WDFY3: variants seen among roughly 807,000 people sequenced by gnomAD.
WDFY3 encodes the protein WD repeat and FYVE domain containing 3, also known as WD repeat and FYVE domain-containing protein 3.
Under a neutral mutation model 409.6 loss-of-function variants are expected in WDFY3, and 66 were observed. The observed-to-expected ratio is 0.16, with a 90% confidence interval of 0.13 to 0.20. The LOEUF (loss-of-function observed/expected upper bound fraction) is 0.20, where lower values mean the gene tolerates loss of function less well. Among genes scored for constraint, WDFY3 ranks in the 10% least tolerant of loss-of-function variants. WDFY3 has a pLI of 1.00. For synonymous variants in WDFY3, 1,521 were observed against 1,537.1 expected, an observed-to-expected ratio of 0.99 and a Z score of 0.25; for missense variants, 3,031 against 4,298.1, an observed-to-expected ratio of 0.71 and a Z score of 8.24.
Position 84,753,854 on chromosome 4 carries a change from C to G in WDFY3, c.5582G>C (p.Gly1861Ala), listed in dbSNP as rs768995607. The part of the protein sequence containing the change: ...LTSPWQSEEE[G>A]SWLREYPVTL... ...CACAGGATATTCTCGGAGCCAAGAT[C>G]CCTCTTCTTCTGATTGCCAAGGCTG... Residue 1861 changes from glycine to alanine, a missense_variant, in exon 35 of 68, where the codon GGA becomes GCA. By Grantham distance (60) the Gly-to-Ala change is moderately conservative (BLOSUM62 0). Around this residue, in one of 16 missense-constraint regions of WDFY3, gnomAD observed 342 missense variants for 463.7 expected, o/e 0.74. Coordinates refer to ENST00000295888, the MANE Select transcript of WDFY3 (RefSeq NM_014991.6). 2.5e-6 allele frequency: 4 copies of G among 1,597,094 alleles called. No homozygotes were observed. In the South Asian group the frequency reaches 3.4e-5, roughly 14 times the overall value.
At chr4:84,945,238 T>A (rs1211202114) in intron 1 of WDFY3, among the ~76,000 whole-genome samples, 3 of 152,332 alleles carry the variant, frequency 2.0e-5, no homozygotes, top group East Asian at 3.9e-4. Flanking sequence ...CAAGGGCAAA[T>A]CTGCACGAAC....
intron 15 of WDFY3, among the ~76,000 whole-genome samples, chr4:84,804,785 A>G (rs1489533788): frequency 6.6e-6 from 1 of 152,202 alleles, no homozygotes; most frequent in Non-Finnish European, 1.5e-5. Context: ...TTTTCATTGC[A>G]TATACACACA....
intron 64 of WDFY3, among the ~76,000 whole-genome samples, chr4:84,680,353 G>A (rs189537190): frequency 2.0e-5 from 3 of 152,088 alleles, no homozygotes; most frequent in Admixed American, 6.5e-5. Context: ...GTAGTGGAGC[G>A]ATCATAGCTC....
At chr4:84,831,259 C>A (rs186323195) in intron 8 of WDFY3, among the ~76,000 whole-genome samples, 154 bp downstream of exon 8, 128 of 151,150 alleles carry the variant, frequency 8.5e-4, no homozygotes, top group African/African-American at 3.0e-3. Context: ...AAATGCCCCA[C>A]AGATGAAAAA....
chr4:84,713,070 C>T (rs1176931476), intron 51 of WDFY3, 89 bp downstream of exon 51: 1 of 1,394,260 alleles, frequency 7.2e-7, no homozygotes, highest in Non-Finnish European at 1.0e-6. Flanking sequence ...GGGAAAAACA[C>T]TCATCTAAAA....
chr4:84,715,027 T>G (rs1578224165), intron 50 of WDFY3, among the ~76,000 whole-genome samples: 1 of 152,304 alleles, frequency 6.6e-6, no homozygotes, highest in South Asian at 2.1e-4. Flanking sequence ...TCCTTTGTAT[T>G]TAGAGACACA....
intron 32 of WDFY3, among the ~76,000 whole-genome samples, chr4:84,761,766 GA>G (rs1040996539): frequency 6.6e-6 from 1 of 151,850 alleles, no homozygotes; most frequent in African/African-American, 2.4e-5. Flanking sequence ...AAATTTACAA[GA>G]AAAAAACAAA....
intron 40 of WDFY3, among the ~76,000 whole-genome samples, chr4:84,738,247 TAC>T (rs1737796569): frequency 6.6e-6 from 1 of 151,662 alleles, no homozygotes; most frequent in Non-Finnish European, 1.5e-5. Context: ...AATCAATCCA[TAC>T]AAAGACTTCA....
intron 2 of WDFY3, among the ~76,000 whole-genome samples, chr4:84,909,854 T>C (rs1767533851): frequency 6.6e-6 from 1 of 152,182 alleles, no homozygotes; most frequent in South Asian, 2.1e-4. Flanking sequence ...AAAGTTACAA[T>C]ATGAATTAAA....
chr4:84,685,637 A>G lies in WDFY3; in HGVS notation c.9544-1512T>C, dbSNP rs139924833. Among the ~76,000 whole-genome samples, 412 of 152,350 alleles carry G rather than the reference A, an allele frequency of 2.7e-3. 2 individuals are homozygous for G. The highest frequency in any genetic ancestry group is 9.6e-3 in the African/African-American group (400 of 41,594). On this transcript the variant is annotated intron_variant, in intron 62 of 67. Coordinates refer to ENST00000295888, the MANE Select transcript of WDFY3 (RefSeq NM_014991.6). ...ATCCTGTTGTTATGAGGGCAGAGAC[A>G]TAAGAAGAATTAAAGGCAAAGTGGC...
chr4:84,702,312 C>A, intron 56 of WDFY3, 41 bp downstream of exon 56: 1 of 1,513,780 alleles, frequency 6.6e-7, no homozygotes, highest in South Asian at 1.3e-5. Context: ...TTGGACTTTT[C>A]CTGGCTAACA....
chr4:84,790,962 G>C (rs986531202), intron 21 of WDFY3, among the ~76,000 whole-genome samples: 1 of 151,990 alleles, frequency 6.6e-6, no homozygotes, highest in African/African-American at 2.4e-5. Flanking sequence ...GTTGACACAA[G>C]TGTTGGCAAG....
In WDFY3 at chr4:84,820,182, G is replaced by A. The variant is rs754270532; in HGVS notation, c.1596C>T (p.Asp532=). 2 of 1,603,934 alleles carry A rather than the reference G, an allele frequency of 1.2e-6. No homozygotes were observed. The highest frequency in any genetic ancestry group is 1.1e-5 in the South Asian group (1 of 89,072). ...DPTQALNEQG[D]SRNNSSVEDQ... ...CTTCAACTGAACTATTATTTCTTGAGTCCCCTAAAAAAAGGTTCAAAGGTC... is the reference window on the plus strand; with the variant it reads ...CTTCAACTGAACTATTATTTCTTGAATCCCCTAAAAAAAGGTTCAAAGGTC... Residue 532 remains aspartate, a synonymous_variant, in exon 12 of 68, where the codon GAC becomes GAT. Transcript: ENST00000295888.
At chr4:84,727,249 CA>C (rs1218851463) in intron 44 of WDFY3, among the ~76,000 whole-genome samples, 3 of 150,982 alleles carry the variant, frequency 2.0e-5, no homozygotes, top group African/African-American at 4.9e-5. Context: ...AAAAAAAAAA[CA>C]AAAAACAAAA....
intron 67 of WDFY3, among the ~76,000 whole-genome samples, chr4:84,675,036 T>C (rs539113066): frequency 2.0e-5 from 3 of 151,730 alleles, no homozygotes; most frequent in South Asian, 4.2e-4. Flanking sequence ...AGTGGCGTGA[T>C]CTCGGGTCAC....
chr4:84,878,082 C>CT (rs1463987062), intron 3 of WDFY3, among the ~76,000 whole-genome samples: 1 of 152,000 alleles, frequency 6.6e-6, no homozygotes, highest in African/African-American at 2.4e-5. Context: ...CCATAATGTA[C>CT]TTTTTAAAAC....
At chr4:84,878,206 T>C (rs1057338418) in intron 3 of WDFY3, among the ~76,000 whole-genome samples, 1 of 151,986 alleles carries the variant, frequency 6.6e-6, no homozygotes, top group African/African-American at 2.4e-5. Flanking sequence ...AAACAGATGA[T>C]GACAAAAGGC....
At chr4:84,839,673 C>G (rs1257517791) in intron 6 of WDFY3, among the ~76,000 whole-genome samples, 2 of 151,942 alleles carry the variant, frequency 1.3e-5, no homozygotes, top group Non-Finnish European at 2.9e-5. Context: ...GCCTGGCCAA[C>G]ATGGTGAAAC....
chr4:84,784,889 TATACAC>T (rs1420984714), intron 24 of WDFY3, among the ~76,000 whole-genome samples: 538 of 52,012 alleles, frequency 0.01, 5 homozygotes, highest in African/African-American at 0.028. Flanking sequence ...TATATATATA[TATACAC>T]ACACACACAC....
Sources: gnomAD v4.1 joint callset for allele counts (sites outside exome capture counted in the v4.1 genomes callset) on GRCh38, gnomAD v4.1.1 for gene constraint, gnomAD v4.1.1 regional missense constraint, MANE v1.5 for transcripts, NCBI Gene and HGNC (gene_info 2026-07-23, HGNC 2026-07-21) for gene names.